NDE1: variants seen among roughly 807,000 people sequenced by gnomAD.
NDE1 encodes nuclear distribution protein nudE homolog 1.
A neutral mutation model predicts 43.4 loss-of-function variants in NDE1; 28 were observed. The observed-to-expected ratio is 0.65, with a 90% CI of 0.48 to 0.89. The LOEUF is 0.89. NDE1 is among the 40% of genes least tolerant of loss of function. The pLI, the probability that NDE1 is intolerant of heterozygous loss-of-function variation, is 0.00. For synonymous variants in NDE1, 184 were observed against 172.0 expected (o/e 1.07, Z -0.55); for missense variants, 441 against 434.1 (o/e 1.02, Z -0.14).
At chr16:15,712,419 G>T (rs1473514603) in intron 8 of NDE1, among the ~76,000 whole-genome samples, 1 of 152,062 alleles carries the variant, frequency 6.6e-6, no homozygotes, top group African/African-American at 2.4e-5. Flanking sequence ...GGAGGCTGAG[G>T]CGGGTGGATC....
At chr16:15,676,845 A>G (rs576659693) in intron 3 of NDE1, among the ~76,000 whole-genome samples, 81 of 152,182 alleles carry the variant, frequency 5.3e-4, no homozygotes, top group Admixed American at 5.2e-3. Flanking sequence ...TATTTTTTGT[A>G]GAGGCCAGGT....
At chr16:15,703,554 AC>A (rs1466194214) in intron 8 of NDE1, 1 of 334,372 alleles carries the variant, frequency 3.0e-6, no homozygotes, top group African/African-American at 2.1e-5. Context: ...CATCATACAA[AC>A]TTCAATTTTT....
rs1191418157 is a variant in NDE1, at chr16:15,664,801, T to C, written c.23T>C (p.Phe8Ser). 2.5e-6 allele frequency: 4 copies of C among 1,613,576 alleles called. No homozygotes were observed. The highest frequency in any genetic ancestry group is 3.4e-6 in the Non-Finnish European group (4 of 1,179,700). ...ACAATGGAGGACTCCGGAAAGACTT[T>C]CAGCTCCGAGGAGGAAGAAGCTAAC... is the stretch of plus-strand genomic sequence containing the variant. MEDSGKT[F>S]SSEEEEANYW... The change falls in exon 2 of 9, where the codon TTC becomes TCC. Residue 8 changes from phenylalanine to serine, a missense_variant. Physicochemically the swap from Phe to Ser is radical, Grantham distance 155. Transcript: ENST00000396354.
chr16:15,706,993 C>CTAAG, intron 8 of NDE1, among the ~76,000 whole-genome samples: 1 of 152,160 alleles, frequency 6.6e-6, no homozygotes, highest in Non-Finnish European at 1.5e-5. Flanking sequence ...GTTACAGGAA[C>CTAAG]TAAGGGACCC....
intron 4 of NDE1, among the ~76,000 whole-genome samples, chr16:15,678,887 T>C (rs944414359): frequency 2.0e-5 from 3 of 152,046 alleles, no homozygotes; most frequent in Admixed American, 1.3e-4. Context: ...CCATCCTGGC[T>C]AACATGGTGA....
intron 8 of NDE1, among the ~76,000 whole-genome samples, chr16:15,710,666 C>T (rs1307693560): frequency 2.0e-5 from 3 of 151,784 alleles, no homozygotes; most frequent in Non-Finnish European, 2.9e-5. Context: ...CAGCAGAGCA[C>T]ATCTGAGGGT....
In NDE1 at chr16:15,676,247, C is replaced by T. The variant is rs555999837; in HGVS notation, c.238-1554C>T. Among the ~76,000 whole-genome samples, 6 of 106,396 alleles carry T rather than the reference C, an allele frequency of 5.6e-5. No homozygotes were observed. The South Asian group carries it at 1.6e-3, about 29-fold the overall frequency. 69.8% of individuals were successfully genotyped at this position (106,396 alleles called of 152,430 possible). On this transcript the variant is annotated intron_variant, in intron 3 of 8. Transcript: ENST00000396354. ...CTGGTTTTTTTTTTTTTTTTTGAGA[C>T]AGAGTCTCGCTGTTATTGCCCAGGC...
At chr16:15,674,289 A>T (rs769681680) in intron 3 of NDE1, among the ~76,000 whole-genome samples, 4 of 151,904 alleles carry the variant, frequency 2.6e-5, no homozygotes, top group African/African-American at 4.8e-5. Context: ...CGTCGCCCAG[A>T]CTAGAGAACA....
chr16:15,709,895 G>A (rs905003597), intron 8 of NDE1, among the ~76,000 whole-genome samples: 1 of 152,294 alleles, frequency 6.6e-6, no homozygotes, highest in Non-Finnish European at 1.5e-5. Context: ...AACTGGCAGT[G>A]TAGCCAGTGG....
intron 8 of NDE1, chr16:15,708,697 G>A: frequency 8.2e-7 from 1 of 1,225,808 alleles, no homozygotes; most frequent in Non-Finnish European, 1.2e-6. Flanking sequence ...AGAATCTCGT[G>A]GAAATGTGCA....
rs140500557 is a variant in NDE1 at position 15,677,161 on chromosome 16, C to A, written c.238-640C>A. ...GTTCCCACCACGTTACATCACTTGC[C>A]TAAGAGTCAGCTCTGGAGAGAAGGT... is the stretch of plus-strand genomic sequence containing the variant. On this transcript the variant is annotated intron_variant, in intron 3 of 8. Transcript: ENST00000396354. 6.5e-4 allele frequency among the ~76,000 whole-genome samples: 99 copies of A among 152,146 alleles called. No individual in the cohort carries two copies. The Middle Eastern group carries it at 0.01, about 16-fold the overall frequency.
At chr16:15,662,630 G>A (rs143832825) in intron 1 of NDE1, among the ~76,000 whole-genome samples, 374 of 152,136 alleles carry the variant, frequency 2.5e-3, no homozygotes, top group African/African-American at 8.3e-3. Context: ...AGGCTTTAGT[G>A]CAGTGGCACT....
At chr16:15,693,741 A>G (rs900790338) in intron 6 of NDE1, among the ~76,000 whole-genome samples, 2 of 152,234 alleles carry the variant, frequency 1.3e-5, no homozygotes, top group East Asian at 3.9e-4. Context: ...AGAGTTCGAG[A>G]CCAGCCTGGA....
Position 15,696,634 on chromosome 16 carries a change from T to A in NDE1, c.796-75T>A. 5 of 1,611,582 alleles carry A rather than the reference T, an allele frequency of 3.1e-6. No homozygotes were observed. In the South Asian group the frequency reaches 5.5e-5, roughly 18 times the overall value. On this transcript the variant is annotated intron_variant, in intron 7 of 8. Coordinates refer to ENST00000396354, the MANE Select transcript of NDE1 (RefSeq NM_017668.3). ...TTGAGAACCACTGTCTGGGGTTCGT[T>A]CTTCTGTACAGGCTCTGGTAAGACA...
intron 8 of NDE1, chr16:15,717,483 C>A: frequency 1.2e-6 from 1 of 855,110 alleles, no homozygotes; most frequent in Non-Finnish European, 1.8e-6. Flanking sequence ...CTCCTTCATC[C>A]TGTAAAACTC....
intron 2 of NDE1, 137 bp downstream of exon 2, chr16:15,664,998 C>T (rs1049062589): frequency 1.6e-5 from 11 of 677,448 alleles, no homozygotes; most frequent in East Asian, 1.1e-4. Context: ...TGGGCTTAAG[C>T]GATCATCCTG....
chr16:15,720,132 A>C lies in NDE1; in HGVS notation c.948-4059A>C. The C allele has an allele frequency of 1.9e-6, 3 of 1,614,012 alleles. No individual in the cohort carries two copies. Among genetic ancestry groups the C allele is most frequent in the Non-Finnish European group, 2.5e-6 (3 of 1,180,010 alleles). On this transcript the variant is annotated intron_variant, in intron 8 of 8. Transcript: ENST00000396354. ...GTGCCCTCCCTCCACCCATGCCCCA[A>C]GCTCCTAGTGTCACCCACCTGCAGT...
rs1354805868 is a variant in NDE1 at position 15,724,889 on chromosome 16, T to C, written c.*638T>C. 6.2e-7 allele frequency: 1 copy of C among 1,614,066 alleles called. No individual in the cohort carries two copies. ...TGGATGATGTGGCAGGACACTCACC[T>C]GGGTGTCCTGGAGCTGGGAACTGAG... On this transcript the variant is annotated 3_prime_UTR_variant, in exon 9 of 9. Coordinates refer to ENST00000396354, the MANE Select transcript of NDE1 (RefSeq NM_017668.3).
chr16:15,650,674 C>T (rs568853640), intron 1 of NDE1, among the ~76,000 whole-genome samples: 1 of 152,332 alleles, frequency 6.6e-6, no homozygotes, highest in Admixed American at 6.5e-5. Flanking sequence ...TCCCCAAACC[C>T]CGCTGCCAGG....
Sources: gnomAD v4.1 joint callset for allele counts (sites outside exome capture counted in the v4.1 genomes callset) on GRCh38, gnomAD v4.1.1 for gene constraint, MANE v1.5 for transcripts, NCBI Gene and HGNC (gene_info 2026-07-23, HGNC 2026-07-21) for gene names.